DNAH2: variants seen among roughly 807,000 people sequenced by gnomAD.
DNAH2 encodes dynein axonemal heavy chain 2, also known as axonemal beta dynein heavy chain 2.
Under a neutral mutation model 523.5 loss-of-function variants are expected in DNAH2, and 323 were observed. The ratio of observed to expected loss-of-function variants is 0.62; its 90% confidence interval spans 0.56 to 0.68. The LOEUF (loss-of-function observed/expected upper bound fraction) is 0.68, where lower values mean the gene tolerates loss of function less well. Ranked by LOEUF, DNAH2 falls within the 30% of genes least tolerant of loss-of-function variation. The pLI is 0.00. For synonymous variants in DNAH2, 2,093 were observed against 2,177.4 expected (o/e 0.96, Z 1.08); for missense variants, 4,907 against 5,701.5 (o/e 0.86, Z 4.49).
chr17:7,808,883 T>C lies in DNAH2; in HGVS notation c.9729+1297T>C, dbSNP rs145802213. Among the ~76,000 whole-genome samples the C allele has an allele frequency of 4.6e-3, 699 of 152,336 alleles. 1 individual carries two copies. Among genetic ancestry groups the C allele is most frequent in the Admixed American group, 9.3e-3 (142 of 15,304 alleles). On this transcript the variant is annotated intron_variant, in intron 63 of 85. Transcript: ENST00000572933. ...CCTCAGCCTCTCAAAGTGCTGGGATTACAGGCATGAGCCACTGCCCCCAGC... is the reference window on the plus strand; with the variant it reads ...CCTCAGCCTCTCAAAGTGCTGGGATCACAGGCATGAGCCACTGCCCCCAGC...
At position 7,830,747 on chromosome 17, in the gene DNAH2, T is replaced by TGCC; in HGVS notation, c.12136_12137insCCG (p.Tyr4045_Gly4046insAla). The TGCC allele has an allele frequency of 6.2e-7, 1 of 1,614,150 alleles. No individual in the cohort carries two copies. Among genetic ancestry groups the TGCC allele is most frequent in the Non-Finnish European group, 8.5e-7 (1 of 1,180,030 alleles). On this transcript the variant is annotated inframe_insertion, in exon 79 of 86. Transcript: ENST00000572933. Reference sequence around the variant, plus strand: ...AGTACCTCATTGCCGGCATCAACTATGGTGGACATGTCACAGATGACTGGG... The same window carrying TGCC: ...AGTACCTCATTGCCGGCATCAACTATGCCGGTGGACATGTCACAGATGACTGGG...
chr17:7,811,603 T>C (rs2077519098), intron 63 of DNAH2, among the ~76,000 whole-genome samples: 1 of 152,210 alleles, frequency 6.6e-6, no homozygotes. Context: ...CAATGTCTGG[T>C]AGGGTCAGTT....
chr17:7,746,517 A>G (rs1372726694), intron 12 of DNAH2, among the ~76,000 whole-genome samples: 1 of 152,226 alleles, frequency 6.6e-6, no homozygotes, highest in African/African-American at 2.4e-5. Context: ...AATGAAGAAA[A>G]AAATACTCCT....
In DNAH2 at chr17:7,798,854, G is replaced by A. The variant is rs2077142477; in HGVS notation, c.8559+136G>A. On this transcript the variant is annotated intron_variant, in intron 55 of 85. Coordinates refer to ENST00000572933, the MANE Select transcript of DNAH2 (RefSeq NM_020877.5). The surrounding 1 kb of genome is among the most constrained non-coding windows in gnomAD (Gnocchi z 5.5). ...CCCACTGCCCACCTCAGCCCTGTAA[G>A]GTGGAAGGTCCCCTCCAGGGACCCT... The A allele has an allele frequency of 7.7e-7, 1 of 1,301,992 alleles. No homozygotes were observed. The highest frequency in any genetic ancestry group is 1.4e-5 in the South Asian group (1 of 72,362). The allele number at this position is 1,301,992 out of a possible 1,614,324, so 80.7% of individuals were successfully genotyped here.
intron 9 of DNAH2, 52 bp from the exon 10 acceptor site, chr17:7,740,368 G>T: frequency 1.2e-6 from 2 of 1,606,352 alleles, no homozygotes; most frequent in Non-Finnish European, 1.7e-6. Context: ...AGGGGTTGGA[G>T]TTGGGGGCAG....
Position 7,729,795 on chromosome 17 carries a change from C to T in DNAH2, c.399+2503C>T, listed in dbSNP as rs2074932713. On this transcript the variant is annotated intron_variant, in intron 4 of 85. Transcript: ENST00000572933. ...ATGAGCACTAACCACCTGTCCATTT[C>T]CCTGAGGCAATTCTCTTAGGCCAAA... Among the ~76,000 whole-genome samples the T allele has an allele frequency of 2.6e-5, 4 of 152,250 alleles. No individual in the cohort carries two copies. In the South Asian group the frequency reaches 8.3e-4, roughly 32 times the overall value.
chr17:7,757,431 T>G (rs541080197), intron 13 of DNAH2, among the ~76,000 whole-genome samples, 194 bp downstream of exon 13: 1 of 152,242 alleles, frequency 6.6e-6, no homozygotes, highest in Non-Finnish European at 1.5e-5. Context: ...ATTTTCTAGC[T>G]GCAGGGTGGA....
At chr17:7,735,826 C>T (rs1335277636) in intron 7 of DNAH2, among the ~76,000 whole-genome samples, 2 of 152,064 alleles carry the variant, frequency 1.3e-5, no homozygotes, top group Non-Finnish European at 1.5e-5. Context: ...GATCTCGGCT[C>T]ACTGCAACCT....
chr17:7,725,133 A>G lies in DNAH2; in HGVS notation c.228+1444A>G, dbSNP rs371895509. ...GAGACAGAGTCTTGGTCTGTTGCCC[A>G]GGCTGGAGTGCAGTGGCACGATCTG... On this transcript the variant is annotated intron_variant, in intron 3 of 85. Coordinates refer to ENST00000572933, the MANE Select transcript of DNAH2 (RefSeq NM_020877.5). Among the ~76,000 whole-genome samples, 74 of 152,164 alleles carry G rather than the reference A, an allele frequency of 4.9e-4. 1 individual carries two copies. The South Asian group carries it at 0.014, about 29-fold the overall frequency.
rs373172890 is a variant in DNAH2 at position 7,799,179 on chromosome 17, T to C, written c.8636T>C (p.Ile2879Thr). 1.1e-5 allele frequency: 17 copies of C among 1,614,210 alleles called. No individual in the cohort carries two copies. The highest frequency in any genetic ancestry group is 1.3e-5 in the Non-Finnish European group (15 of 1,180,036). ...TCGGACAGCCTCTTCGCCTACCTCA[T>C]TGAACGCGTGCAGAACAACCTGCAC... The part of the protein sequence containing the change: ...ESSDSLFAYL[I>T]ERVQNNLHIV... Residue 2879 changes from isoleucine (I) to threonine (T), a missense_variant, in exon 56 of 86, where the codon ATT becomes ACT. Coordinates refer to ENST00000572933, the MANE Select transcript of DNAH2 (RefSeq NM_020877.5).
In DNAH2 at chr17:7,807,725, C is replaced by G; in HGVS notation, c.9729+139C>G. The G allele has an allele frequency of 4.0e-6, 3 of 749,358 alleles. No individual in the cohort carries two copies. The highest frequency in any genetic ancestry group is 6.6e-6 in the Non-Finnish European group (3 of 454,542). The allele number at this position is 749,358 out of a possible 1,614,324, so 46.4% of individuals were successfully genotyped here. On this transcript the variant is annotated intron_variant, in intron 63 of 85. Coordinates refer to ENST00000572933, the MANE Select transcript of DNAH2 (RefSeq NM_020877.5). This position sits in a 1 kb window ranked among gnomAD's most constrained non-coding sequence, Gnocchi z 5.6. ...CCATTCCAGTCCTGTCTCCTTCCCA[C>G]TCTGTGCCCTGTTTAGACTGGGCTG...
At position 7,833,056 on chromosome 17, in the gene DNAH2, C is replaced by T; in HGVS notation, c.12979-15C>T. 1 of 1,613,290 alleles carries T rather than the reference C, an allele frequency of 6.2e-7. No individual in the cohort carries two copies. Among genetic ancestry groups the T allele is most frequent in the Non-Finnish European group, 8.5e-7 (1 of 1,180,000 alleles). The stretch of plus-strand genomic sequence containing the variant: ...AAGTCTAGCTTCTCCCAGACCTGCT[C>T]CCATTTCTCCCCAGGATGGTGTCTG... On this transcript the variant is annotated splice_polypyrimidine_tract_variant and intron_variant, in intron 84 of 85. Coordinates refer to ENST00000572933, the MANE Select transcript of DNAH2 (RefSeq NM_020877.5).
rs1332719545 is a variant in DNAH2 at position 7,743,635 on chromosome 17, C to G, written c.1904+493C>G. ...GAGCTGAGATCACACCACTACACTCCAGCCTGGGCGACAGAGTGACCCTGC... is the reference window on the plus strand; with the variant it reads ...GAGCTGAGATCACACCACTACACTCGAGCCTGGGCGACAGAGTGACCCTGC... On this transcript the variant is annotated intron_variant, in intron 12 of 85. Transcript: ENST00000572933. 119 of 419,124 alleles carry G rather than the reference C, an allele frequency of 2.8e-4. 1 individual carries two copies. The highest frequency in any genetic ancestry group is 8.9e-5 in the Non-Finnish European group (21 of 235,624). 26.0% of individuals were successfully genotyped at this position (419,124 alleles called of 1,614,324 possible).
Position 7,757,214 on chromosome 17 carries a change from A to G in DNAH2, c.2028A>G (p.Leu676=), listed in dbSNP as rs1487782501. 1.9e-6 allele frequency: 3 copies of G among 1,613,644 alleles called. No homozygotes were observed. Among genetic ancestry groups the G allele is most frequent in the African/African-American group, 1.3e-5 (1 of 74,748 alleles). ...TGCGCATTCTGCGTGAAAATCTGCT[A>G]CTCGTTGCTAGAGACTACAATAGGT... ...EDLRILRENL[L]LVARDYNRII... Residue 676 remains leucine (L), a synonymous_variant, in exon 13 of 86, where the codon CTA becomes CTG. Coordinates refer to ENST00000572933, the MANE Select transcript of DNAH2 (RefSeq NM_020877.5).
chr17:7,822,297 A>G (rs2151332718), intron 73 of DNAH2, among the ~76,000 whole-genome samples: 1 of 152,232 alleles, frequency 6.6e-6, no homozygotes, highest in South Asian at 2.1e-4. Flanking sequence ...AGTGGATGCC[A>G]TTGTGACGGG....
At chr17:7,829,206 G>T (rs1419732525) in intron 77 of DNAH2, among the ~76,000 whole-genome samples, 1 of 151,884 alleles carries the variant, frequency 6.6e-6, no homozygotes. Context: ...GTAGAGAGGG[G>T]TTTCACCATA....
chr17:7,818,275 C>T, intron 68 of DNAH2, 37 bp from the exon 69 acceptor site: 2 of 1,611,190 alleles, frequency 1.2e-6, no homozygotes, highest in Non-Finnish European at 1.7e-6. Context: ...GTACCCATCA[C>T]ATGGAGTCCT....
chr17:7,778,032 T>G, intron 33 of DNAH2, 45 bp from the exon 34 acceptor site: 5 of 1,545,990 alleles, frequency 3.2e-6, no homozygotes, highest in Non-Finnish European at 4.5e-6. Flanking sequence ...GCTCTAACTC[T>G]CCTTCCAAGC....
intron 20 of DNAH2, among the ~76,000 whole-genome samples, 191 bp downstream of exon 20, chr17:7,764,464 T>C (rs73232338): frequency 0.048 from 7,144 of 149,596 alleles, 274 homozygotes; most frequent in Admixed American, 0.12. Context: ...TTCTTCTTCC[T>C]CTTTTTTTTT....
Sources: allele counts gnomAD v4.1 joint callset (sites outside exome capture counted in the v4.1 genomes callset), GRCh38; gene constraint gnomAD v4.1.1; non-coding constraint Gnocchi (gnomAD v3.1); transcripts MANE v1.5; gene names NCBI Gene and HGNC (gene_info 2026-07-23, HGNC 2026-07-21).